ANKS1B: variants seen among roughly 807,000 people sequenced by gnomAD.
ANKS1B encodes ankyrin repeat and sterile alpha motif domain containing 1B, also known as ankyrin repeat and sterile alpha motif domain-containing protein 1B.
ANKS1B carries 36 observed loss-of-function variants against 148.3 expected under a neutral mutation model. The ratio of observed to expected loss-of-function variants is 0.24; its 90% CI spans 0.19 to 0.32. The LOEUF is 0.32. Among genes scored for constraint, ANKS1B ranks in the 10% least tolerant of loss-of-function variants. The probability of loss-of-function intolerance (pLI) is 1.00; values close to 1 mark genes in which losing one functional copy is unlikely to be tolerated. For missense variants in ANKS1B, 1,157 were observed against 1,542.6 expected (o/e 0.75, Z 4.19); for synonymous variants, 542 against 560.8 (o/e 0.97, Z 0.47).
At chr12:99,061,249 A>G (rs1279296004) in intron 16 of ANKS1B, among the ~76,000 whole-genome samples, 1 of 152,216 alleles carries the variant, frequency 6.6e-6, no homozygotes, top group East Asian at 1.9e-4. Flanking sequence ...AGCTAAAAGA[A>G]GTTCCTCGAC....
intron 8 of ANKS1B, among the ~76,000 whole-genome samples, chr12:99,684,780 A>G (rs181040131): frequency 6.6e-6 from 1 of 152,030 alleles, no homozygotes; most frequent in Admixed American, 6.6e-5. Context: ...AGCCAAATAC[A>G]TGCCGGCTTG....
intron 17 of ANKS1B, among the ~76,000 whole-genome samples, chr12:98,996,447 A>G (rs1194862319): frequency 6.6e-6 from 1 of 152,138 alleles, no homozygotes; most frequent in Non-Finnish European, 1.5e-5. Context: ...AAAAGAGTCT[A>G]TCCACCCAGA....
At chr12:98,825,853 C>T (rs1400999124) in intron 19 of ANKS1B, among the ~76,000 whole-genome samples, 1 of 152,166 alleles carries the variant, frequency 6.6e-6, no homozygotes, top group Non-Finnish European at 1.5e-5. Context: ...CTCATTTCCA[C>T]ATAACTCAGA....
At chr12:99,886,995 C>T (rs1159072184) in intron 1 of ANKS1B, among the ~76,000 whole-genome samples, 1 of 152,168 alleles carries the variant, frequency 6.6e-6, no homozygotes, top group Non-Finnish European at 1.5e-5. Flanking sequence ...ATTACGGATA[C>T]TTGCCAAAGC....
chr12:99,410,496 C>T (rs1481518082), intron 11 of ANKS1B, among the ~76,000 whole-genome samples: 3 of 152,028 alleles, frequency 2.0e-5, no homozygotes, highest in Admixed American at 1.3e-4. Flanking sequence ...GGTGAAACCC[C>T]GTCTCTACTA....
intron 12 of ANKS1B, among the ~76,000 whole-genome samples, chr12:99,262,239 T>C (rs2153983003): frequency 6.6e-6 from 1 of 152,150 alleles, no homozygotes. Flanking sequence ...CCTATAAATA[T>C]AAAAAAATAT....
intron 17 of ANKS1B, among the ~76,000 whole-genome samples, chr12:98,922,508 T>C (rs1349099168): frequency 5.9e-5 from 9 of 152,208 alleles, no homozygotes; most frequent in African/African-American, 1.9e-4. Flanking sequence ...ATTTTATTTT[T>C]ATTTTTTTGA....
At chr12:99,907,270 G>C (rs2093817803) in intron 1 of ANKS1B, among the ~76,000 whole-genome samples, 1 of 152,132 alleles carries the variant, frequency 6.6e-6, no homozygotes. Context: ...ATTTTCCTGA[G>C]GCTGTCTGCT....
chr12:99,109,764 C>T (rs752699077), intron 15 of ANKS1B, among the ~76,000 whole-genome samples: 3 of 152,154 alleles, frequency 2.0e-5, no homozygotes, highest in Non-Finnish European at 4.4e-5. Flanking sequence ...TGCACTTACC[C>T]AACATACTAT....
At chr12:99,206,064 AC>A (rs990948035) in intron 14 of ANKS1B, among the ~76,000 whole-genome samples, 5 of 152,178 alleles carry the variant, frequency 3.3e-5, no homozygotes, top group African/African-American at 1.2e-4. Flanking sequence ...AGATAAGACT[AC>A]CATGAAAGGA....
Position 99,244,354 on chromosome 12 carries a change from C to A in ANKS1B, c.2407G>T (p.Gly803Cys), listed in dbSNP as rs369542708. The A allele has an allele frequency of 1.9e-6, 3 of 1,604,964 alleles. No individual in the cohort carries two copies. Among genetic ancestry groups the A allele is most frequent in the Non-Finnish European group, 2.6e-6 (3 of 1,176,322 alleles). Residue 803 changes from glycine to cysteine, a missense_variant, in exon 14 of 27, where the codon GGT (glycine) becomes TGT (cysteine). Transcript: ENST00000683438. ...AAGGTTGCCTTACTTGTGGTCTCAC[C>A]ATTCATCTCTTTAAGTTCGTTGTTG... ...GINNELKEMN[G>C]ETTRPRCPVQ...
At chr12:99,774,934 G>A (rs1392881970) in intron 7 of ANKS1B, among the ~76,000 whole-genome samples, 1 of 151,990 alleles carries the variant, frequency 6.6e-6, no homozygotes, top group Non-Finnish European at 1.5e-5. Flanking sequence ...CTCACATGTG[G>A]AATCTAAAAA....
rs567540875 is a variant in ANKS1B, at chr12:99,108,079, C to T, written c.2527-23056G>A. ...ATTAAGAGATGTGAGGCTCAAATGA[C>T]CTTATCCTGGTAACATAGCTACATT... On this transcript the variant is annotated intron_variant, in intron 15 of 26. Coordinates refer to ENST00000683438, the MANE Select transcript of ANKS1B (RefSeq NM_001352186.2). Among the ~76,000 whole-genome samples the T allele has an allele frequency of 2.2e-4, 34 of 152,270 alleles. No homozygotes were observed. The South Asian group carries it at 7.1e-3, about 32-fold the overall frequency.
At chr12:99,703,237 G>C (rs750666546) in intron 8 of ANKS1B, among the ~76,000 whole-genome samples, 18 of 152,052 alleles carry the variant, frequency 1.2e-4, no homozygotes, top group Admixed American at 5.2e-4. Flanking sequence ...TGTTGAGATG[G>C]CATAAAGTGG....
At chr12:98,884,054 A>G (rs1429260622) in intron 17 of ANKS1B, among the ~76,000 whole-genome samples, 1 of 152,220 alleles carries the variant, frequency 6.6e-6, no homozygotes, top group East Asian at 1.9e-4. Context: ...AAAAGCAGAA[A>G]AAATTGAGTC....
At chr12:98,952,917 G>C (rs2099856228) in intron 17 of ANKS1B, among the ~76,000 whole-genome samples, 1 of 152,006 alleles carries the variant, frequency 6.6e-6, no homozygotes, top group Non-Finnish European at 1.5e-5. Context: ...GGAGTGAAGT[G>C]GTGCGATCAT....
chr12:99,077,526 C>A (rs967184916), intron 16 of ANKS1B, among the ~76,000 whole-genome samples: 1 of 152,184 alleles, frequency 6.6e-6, no homozygotes, highest in Non-Finnish European at 1.5e-5. Context: ...AAGTTTCTAT[C>A]ATTTTTCTAA....
Position 99,937,800 on chromosome 12 carries a change from CAACT to C in ANKS1B, c.134+46300_134+46303del, listed in dbSNP as rs372944827. On this transcript the variant is annotated intron_variant, in intron 1 of 26. Transcript: ENST00000683438. ...GCATAACAGTTAAGCCTGCAAGTAC[CAACT>C]GAGTTTCTACTAAGTGTAACACATT... is the stretch of plus-strand genomic sequence containing the variant. Among the ~76,000 whole-genome samples the C allele has an allele frequency of 2.1e-3, 326 of 152,034 alleles. 1 individual carries two copies. Among genetic ancestry groups the C allele is most frequent in the African/African-American group, 7.6e-3 (314 of 41,458 alleles).
intron 2 of ANKS1B, among the ~76,000 whole-genome samples, chr12:99,812,548 CACACACACACAG>C (rs879752807): frequency 0.057 from 5,694 of 100,034 alleles, 182 homozygotes; most frequent in Admixed American, 0.08. Context: ...CACACACACA[CACACACACACAG>C]AGAGAGAGAG....
Sources: gnomAD v4.1 joint callset for allele counts (sites outside exome capture counted in the v4.1 genomes callset) on GRCh38, gnomAD v4.1.1 for gene constraint, MANE v1.5 for transcripts, NCBI Gene and HGNC (gene_info 2026-07-23, HGNC 2026-07-21) for gene names.